The following SERGEF variants were observed in gnomAD, a reference collection of about 807,000 sequenced individuals.
SERGEF encodes the protein secretion regulating guanine nucleotide exchange factor, also known as secretion-regulating guanine nucleotide exchange factor.
In SERGEF, 51 loss-of-function variants were observed where a neutral mutation model predicts 50.0. The ratio of observed to expected loss-of-function variants is 1.02; its 90% CI spans 0.81 to 1.29. The LOEUF (loss-of-function observed/expected upper bound fraction) is 1.29. Among genes scored for constraint, SERGEF ranks in the 50% most tolerant of loss-of-function variants. The pLI, the probability that SERGEF is intolerant of heterozygous loss-of-function variation, is 0.00. For synonymous variants in SERGEF, 205 were observed against 212.4 expected (o/e 0.97, Z 0.30); for missense variants, 521 against 557.0 (o/e 0.94, Z 0.65).
chr11:18,004,528 A>G lies in SERGEF; in HGVS notation c.360T>C (p.Gly120=), dbSNP rs749557974. The change falls in exon 4 of 11, where the codon GGT becomes GGC. Residue 120 remains glycine, a synonymous_variant. Transcript: ENST00000265965. The part of the protein sequence containing the change: ...WDFTIMLTEN[G]QVLSCGSNSF... ...AGTTGGATCCACATGATAGAACTTG[A>G]CCATTTTCTGCAAAATACAAATACT... 1.2e-6 allele frequency: 2 copies of G among 1,611,282 alleles called. No homozygotes were observed. Among genetic ancestry groups the G allele is most frequent in the Non-Finnish European group, 1.7e-6 (2 of 1,178,158 alleles).
intron 10 of SERGEF, among the ~76,000 whole-genome samples, chr11:17,792,715 A>G (rs537005934): frequency 6.6e-6 from 1 of 152,328 alleles, no homozygotes; most frequent in African/African-American, 2.4e-5. Flanking sequence ...CACAATTTAC[A>G]GATTATTCTC....
intron 10 of SERGEF, among the ~76,000 whole-genome samples, chr11:17,814,053 T>C (rs540074307): frequency 8.1e-4 from 124 of 152,318 alleles, no homozygotes; most frequent in African/African-American, 2.8e-3. Context: ...CAGCAATGAC[T>C]TTAAAAAGGA....
rs182468879 is a variant in SERGEF at position 17,788,245 on chromosome 11, G to A, written c.1217C>T (p.Pro406Leu). The change falls in exon 11 of 11, where the codon CCT becomes CTT. Residue 406 changes from proline to leucine, a missense_variant. Transcript: ENST00000265965. ...GACCTTGGGGTCCTGGACCAATGCA[G>A]GGTGAGCTGGCAGCTGGCAGAGGGC... ...SLALCQLPAH[P>L]ALVQDPKVTY... is the part of the protein sequence containing the mutation. 7 of 1,613,960 alleles carry A rather than the reference G, an allele frequency of 4.3e-6. No homozygotes were observed. The highest frequency in any genetic ancestry group is 5.9e-6 in the Non-Finnish European group (7 of 1,179,918).
intron 9 of SERGEF, among the ~76,000 whole-genome samples, chr11:17,883,746 G>C (rs1343092629): frequency 1.3e-5 from 2 of 152,150 alleles, no homozygotes; most frequent in African/African-American, 4.8e-5. Context: ...GAGAGCCCTA[G>C]ATTTATAGGA....
intron 9 of SERGEF, among the ~76,000 whole-genome samples, chr11:17,946,945 G>A (rs1256024484): frequency 6.6e-6 from 1 of 152,138 alleles, no homozygotes; most frequent in Non-Finnish European, 1.5e-5. Context: ...TTCTCCAAGT[G>A]CCTGCTATGT....
At chr11:17,914,806 T>C (rs1262021510) in intron 9 of SERGEF, among the ~76,000 whole-genome samples, 1 of 152,220 alleles carries the variant, frequency 6.6e-6, no homozygotes, top group Non-Finnish European at 1.5e-5. Flanking sequence ...AGGGTTATTT[T>C]GTGTCAGGCA....
chr11:17,902,987 T>C (rs1422041298), intron 9 of SERGEF, among the ~76,000 whole-genome samples: 2 of 152,252 alleles, frequency 1.3e-5, no homozygotes, highest in African/African-American at 4.8e-5. Context: ...AGTTGATGCC[T>C]TTTCCAAATT....
At chr11:17,995,732 G>T (rs971959251) in intron 6 of SERGEF, 64 bp downstream of exon 6, 13 of 1,106,058 alleles carry the variant, frequency 1.2e-5, no homozygotes, top group African/African-American at 1.1e-4. Context: ...ATCCTCTTCT[G>T]CATGTTTATG....
intron 9 of SERGEF, among the ~76,000 whole-genome samples, chr11:17,940,984 A>C (rs1852552416): frequency 6.6e-6 from 1 of 152,116 alleles, no homozygotes; most frequent in South Asian, 2.1e-4. Context: ...AGAAAAGCTT[A>C]AACATACAGA....
At chr11:17,885,324 T>A (rs1851409079) in intron 9 of SERGEF, among the ~76,000 whole-genome samples, 1 of 152,114 alleles carries the variant, frequency 6.6e-6, no homozygotes, top group Non-Finnish European at 1.5e-5. Flanking sequence ...CATGATCTGA[T>A]CTGTTTTTGT....
intron 1 of SERGEF, among the ~76,000 whole-genome samples, chr11:18,009,870 G>A (rs1392531419): frequency 6.6e-6 from 1 of 152,162 alleles, no homozygotes; most frequent in African/African-American, 2.4e-5. Context: ...AGGGACAGCA[G>A]CCCATAAGCA....
chr11:17,843,868 G>C (rs1850552747), intron 10 of SERGEF, among the ~76,000 whole-genome samples: 1 of 152,140 alleles, frequency 6.6e-6, no homozygotes, highest in Non-Finnish European at 1.5e-5. Flanking sequence ...AGAAGGCAAA[G>C]GATCCTAAAA....
intron 9 of SERGEF, among the ~76,000 whole-genome samples, chr11:17,923,939 C>T (rs967858584): frequency 3.9e-5 from 6 of 152,174 alleles, no homozygotes; most frequent in Admixed American, 6.5e-5. Context: ...TAGCATAGTG[C>T]GTGGTACAAT....
At chr11:17,860,792 T>C (rs1458769504) in intron 10 of SERGEF, among the ~76,000 whole-genome samples, 2 of 152,186 alleles carry the variant, frequency 1.3e-5, no homozygotes, top group Non-Finnish European at 2.9e-5. Flanking sequence ...AACAGGGTTA[T>C]ATGTTAAGAA....
intron 10 of SERGEF, among the ~76,000 whole-genome samples, chr11:17,832,904 G>T (rs1323301830): frequency 6.6e-6 from 1 of 152,210 alleles, no homozygotes; most frequent in Non-Finnish European, 1.5e-5. Context: ...CTTGGGTGTT[G>T]TTAAAATCAT....
intron 10 of SERGEF, among the ~76,000 whole-genome samples, chr11:17,829,984 C>A (rs1363229958): frequency 6.6e-6 from 1 of 152,214 alleles, no homozygotes; most frequent in Non-Finnish European, 1.5e-5. Context: ...GTGACAAGGA[C>A]TGTAAAAAGG....
intron 10 of SERGEF, among the ~76,000 whole-genome samples, chr11:17,835,990 G>A (rs552547560): frequency 6.6e-6 from 1 of 152,360 alleles, no homozygotes; most frequent in Non-Finnish European, 1.5e-5. Flanking sequence ...TGGTTGTATA[G>A]CTGAGAGAAT....
chr11:17,944,988 A>G (rs1852631223), intron 9 of SERGEF, among the ~76,000 whole-genome samples: 1 of 152,232 alleles, frequency 6.6e-6, no homozygotes, highest in Admixed American at 6.5e-5. Flanking sequence ...CATATCAGTG[A>G]TAAGAAAACT....
chr11:17,940,643 C>T (rs898040470), intron 9 of SERGEF, among the ~76,000 whole-genome samples: 1 of 152,022 alleles, frequency 6.6e-6, no homozygotes, highest in East Asian at 1.9e-4. Flanking sequence ...GTATGATCAT[C>T]GCTCACTGCA....
Sources: allele counts gnomAD v4.1 joint callset (sites outside exome capture counted in the v4.1 genomes callset), GRCh38; gene constraint gnomAD v4.1.1; transcripts MANE v1.5; gene names NCBI Gene and HGNC (gene_info 2026-07-23, HGNC 2026-07-21).